The following EYS variants were observed in gnomAD, a reference collection of about 807,000 sequenced individuals.
The protein encoded by EYS is protein eyes shut homolog.
EYS carries 250 observed loss-of-function variants against 282.1 expected under a neutral mutation model. The observed-to-expected ratio is 0.89, with a 90% CI of 0.80 to 0.98. The LOEUF (loss-of-function observed/expected upper bound fraction) is 0.98. Ranked by LOEUF, EYS falls within the 50% of genes least tolerant of loss-of-function variation. The probability of loss-of-function intolerance (pLI) is 0.00; values close to 1 mark genes in which losing one functional copy is unlikely to be tolerated. For synonymous variants in EYS, 1,355 were observed against 1,282.9 expected (o/e 1.06, Z -1.20); for missense variants, 4,016 against 3,709.0 (o/e 1.08, Z -2.15).
At chr6:65,378,111 A>G (rs1370951647) in intron 8 of EYS, among the ~76,000 whole-genome samples, 1 of 152,176 alleles carries the variant, frequency 6.6e-6, no homozygotes, top group African/African-American at 2.4e-5. Flanking sequence ...GCAGAATGGG[A>G]GAAAAGTTCT....
chr6:63,986,345 AT>A (rs1407833266), intron 34 of EYS, among the ~76,000 whole-genome samples: 1 of 151,856 alleles, frequency 6.6e-6, no homozygotes, highest in African/African-American at 2.4e-5. Context: ...TAGTTTAGCC[AT>A]TGTGGAAAGC....
intron 1 of EYS, among the ~76,000 whole-genome samples, chr6:65,672,839 G>A (rs1768439414): frequency 6.6e-6 from 1 of 152,130 alleles, no homozygotes. Flanking sequence ...TCACCTGGGT[G>A]CAGGCGGGCT....
Position 64,081,926 on chromosome 6 carries a change from C to T in EYS, c.6501G>A (p.Lys2167=). ...AGATGGTAACAGTTCTGTTATGTTC[C>T]TTCTCCAGGACAAACTTCAAAAAGG... is the stretch of plus-strand genomic sequence containing the variant. ...ELPFLKFVLE[K]EHNRTVTIYL... The change falls in exon 32 of 43, where the codon AAG becomes AAA. Residue 2167 remains lysine, a synonymous_variant. Coordinates refer to ENST00000503581, the MANE Select transcript of EYS (RefSeq NM_001142800.2). 3 of 1,543,352 alleles carry T rather than the reference C, an allele frequency of 1.9e-6. No individual in the cohort carries two copies. Among genetic ancestry groups the T allele is most frequent in the African/African-American group, 1.4e-5 (1 of 72,880 alleles).
intron 13 of EYS, among the ~76,000 whole-genome samples, chr6:65,020,118 C>T (rs1375874632): frequency 6.6e-6 from 1 of 152,060 alleles, no homozygotes; most frequent in African/African-American, 2.4e-5. Context: ...TGTCATTCTA[C>T]CCTGGCCCCT....
chr6:64,602,449 G>A (rs139932033), intron 24 of EYS, among the ~76,000 whole-genome samples: 1 of 152,128 alleles, frequency 6.6e-6, no homozygotes, highest in Admixed American at 6.5e-5. Context: ...AGCTACAAGA[G>A]TCATCAACCT....
chr6:65,571,656 AC>A (rs755578302), intron 2 of EYS, among the ~76,000 whole-genome samples: 20 of 152,058 alleles, frequency 1.3e-4, no homozygotes, highest in Non-Finnish European at 2.6e-4. Flanking sequence ...AATTCCATGT[AC>A]TATGATCAGT....
chr6:63,989,120 G>T (rs1767497960), intron 34 of EYS, among the ~76,000 whole-genome samples: 1 of 151,500 alleles, frequency 6.6e-6, no homozygotes, highest in South Asian at 2.1e-4. Flanking sequence ...ATATGGAGAG[G>T]TGATTATAAA....
intron 18 of EYS, among the ~76,000 whole-genome samples, chr6:64,893,389 G>GT (rs1767350911): frequency 6.6e-6 from 1 of 152,006 alleles, no homozygotes; most frequent in South Asian, 2.1e-4. Context: ...CATGTATGTA[G>GT]TAACTACTGT....
At chr6:64,935,687 G>A (rs181630375) in intron 15 of EYS, among the ~76,000 whole-genome samples, 2 of 151,658 alleles carry the variant, frequency 1.3e-5, no homozygotes, top group Middle Eastern at 3.4e-3. Flanking sequence ...ACAATTACAC[G>A]CTAACCAATT....
At chr6:64,642,679 A>G (rs1471291444) in intron 22 of EYS, among the ~76,000 whole-genome samples, 1 of 152,228 alleles carries the variant, frequency 6.6e-6, no homozygotes, top group Non-Finnish European at 1.5e-5. Context: ...CAGAGAGATA[A>G]CACTTGTCCA....
At chr6:64,905,911 G>A (rs1203930456) in intron 16 of EYS, among the ~76,000 whole-genome samples, 2 of 151,770 alleles carry the variant, frequency 1.3e-5, no homozygotes, top group Admixed American at 6.6e-5. Flanking sequence ...TTCACACAAG[G>A]TAGTTAAAAA....
At chr6:65,438,655 T>C (rs1464202532) in intron 5 of EYS, among the ~76,000 whole-genome samples, 1 of 152,224 alleles carries the variant, frequency 6.6e-6, no homozygotes, top group Non-Finnish European at 1.5e-5. Context: ...ATAAATGTTT[T>C]CTTTTGAGAA....
At chr6:64,315,312 T>A (rs567246526) in intron 29 of EYS, among the ~76,000 whole-genome samples, 87 of 152,278 alleles carry the variant, frequency 5.7e-4, no homozygotes, top group African/African-American at 1.7e-3. Flanking sequence ...ATCAGATGGA[T>A]TCACAGCCAA....
At chr6:64,223,515 C>T (rs1181978651) in intron 31 of EYS, among the ~76,000 whole-genome samples, 1 of 151,912 alleles carries the variant, frequency 6.6e-6, no homozygotes, top group Non-Finnish European at 1.5e-5. Context: ...CCCTGAAAAA[C>T]TCTGGGGGAC....
rs116990298 is a variant in EYS at position 64,288,852 on chromosome 6, C to T, written c.6191+18118G>A. ...TTCCTCAATCTGCTAGAAACATAGT[C>T]GCTAAATCTAGCCATATTTCCTTCT... On this transcript the variant is annotated intron_variant, in intron 30 of 42. Coordinates refer to ENST00000503581, the MANE Select transcript of EYS (RefSeq NM_001142800.2). Among the ~76,000 whole-genome samples the T allele has an allele frequency of 2.3e-3, 349 of 152,142 alleles. 6 individuals are homozygous for T. Among genetic ancestry groups the T allele is most frequent in the Admixed American group, 0.019 (289 of 15,246 alleles).
At chr6:64,138,371 A>G (rs1296779937) in intron 31 of EYS, among the ~76,000 whole-genome samples, 1 of 152,222 alleles carries the variant, frequency 6.6e-6, no homozygotes, top group Non-Finnish European at 1.5e-5. Flanking sequence ...AAAGGAGGGT[A>G]TATAACACAG....
At position 64,437,476 on chromosome 6, in the gene EYS, T is replaced by G. The variant is rs546385364; in HGVS notation, c.5836-1211A>C. 1.3e-4 allele frequency among the ~76,000 whole-genome samples: 19 copies of G among 151,768 alleles called. 1 individual carries two copies. In the South Asian group the frequency reaches 3.9e-3, roughly 31 times the overall value. Reference sequence around the variant, plus strand: ...TTGTCAATCTCCATCTTAAGAAAATTTAAGATCATTTACATTTCAGCTAGA... The same window carrying G: ...TTGTCAATCTCCATCTTAAGAAAATGTAAGATCATTTACATTTCAGCTAGA... On this transcript the variant is annotated intron_variant, in intron 27 of 42. Coordinates refer to ENST00000503581, the MANE Select transcript of EYS (RefSeq NM_001142800.2).
chr6:65,599,671 A>T (rs1317571809), intron 2 of EYS, among the ~76,000 whole-genome samples: 1 of 152,132 alleles, frequency 6.6e-6, no homozygotes, highest in Non-Finnish European at 1.5e-5. Flanking sequence ...TGAAATGTTT[A>T]TTCAGATAAA....
At chr6:64,742,326 T>C (rs1224237437) in intron 22 of EYS, among the ~76,000 whole-genome samples, 2 of 152,130 alleles carry the variant, frequency 1.3e-5, no homozygotes, top group African/African-American at 2.4e-5. Context: ...ATTACAATAG[T>C]AGCATCAAAG....
Sources: allele counts gnomAD v4.1 joint callset (sites outside exome capture counted in the v4.1 genomes callset), GRCh38; gene constraint gnomAD v4.1.1; transcripts MANE v1.5; gene names NCBI Gene and HGNC (gene_info 2026-07-23, HGNC 2026-07-21).